ETAA1: variants seen among roughly 807,000 people sequenced by gnomAD.
ETAA1 encodes the protein ETAA1 activator of ATR kinase, also known as ewing's tumor-associated antigen 1.
ETAA1 carries 49 observed loss-of-function variants against 76.8 expected under a neutral mutation model. That is an observed-to-expected ratio of 0.64 (90% CI 0.51 to 0.81). ETAA1 has a LOEUF of 0.81. Ranked by LOEUF, ETAA1 falls within the 30% of genes least tolerant of loss-of-function variation. ETAA1 has a pLI of 0.00. For synonymous variants in ETAA1, 373 were observed against 372.2 expected (o/e 1.00, Z -0.03); for missense variants, 1,099 against 1,074.0 (o/e 1.02, Z -0.32).
chr2:67,407,304 G>A (rs1676247214), intron 5 of ETAA1, among the ~76,000 whole-genome samples: 1 of 150,936 alleles, frequency 6.6e-6, no homozygotes, highest in African/African-American at 2.4e-5. Context: ...AAAAGTTTAT[G>A]AATTTGTGTT....
In ETAA1 at chr2:67,410,152, T is replaced by TG. The variant is rs1676335457; in HGVS notation, c.*116dup. 4.3e-6 allele frequency: 4 copies of TG among 924,096 alleles called. No homozygotes were observed. In the East Asian group the frequency reaches 1.0e-4, roughly 24 times the overall value. 57.2% of individuals were successfully genotyped at this position (924,096 alleles called of 1,614,324 possible). A position where few individuals can be genotyped will look rare whatever the true frequency, so the allele number is the denominator to read the frequency against. On this transcript the variant is annotated 3_prime_UTR_variant, in exon 6 of 6. Transcript: ENST00000272342. ...ATGTAATGCTGACTTTTATAAAGCC[T>TG]GGACTTCTACTTTATTTAATAAATC...
At position 67,403,986 on chromosome 2, in the gene ETAA1, A is replaced by C; in HGVS notation, c.1304A>C (p.Asp435Ala). Residue 435 changes from aspartate (D) to alanine (A), a missense_variant, in exon 5 of 6, where the codon GAT becomes GCT. By Grantham distance (126) the Asp-to-Ala change is moderately radical. Coordinates refer to ENST00000272342, the MANE Select transcript of ETAA1 (RefSeq NM_019002.4). ...ACGTCAAGAGCAAATACAAGTCCAG[A>C]TGCCAGGTTAGGAGATTCAAAAGTA... ...KNTSRANTSP[D>A]ARLGDSKVLQ... 1 of 1,608,034 alleles carries C rather than the reference A, an allele frequency of 6.2e-7. No homozygotes were observed. The highest frequency in any genetic ancestry group is 8.5e-7 in the Non-Finnish European group (1 of 1,178,002).
At position 67,404,067 on chromosome 2, in the gene ETAA1, G is replaced by T. The variant is rs1161347016; in HGVS notation, c.1385G>T (p.Arg462Ile). Residue 462 changes from arginine (R) to isoleucine (I), a missense_variant, in exon 5 of 6, where the codon AGA becomes ATA. Physicochemically the swap from Arg to Ile is moderately conservative, Grantham distance 97. This residue lies in a region of ETAA1 where 761 missense variants were observed against 731.9 expected (regional missense o/e 1.04). Coordinates refer to ENST00000272342, the MANE Select transcript of ETAA1 (RefSeq NM_019002.4). ...YDRELIDAEY[R>I]FSPNSNKSNK... ...AGAGAATTAATAGATGCAGAATATA[G>T]ATTTTCACCAAATTCAAATAAATCA... is the stretch of plus-strand genomic sequence containing the variant. 1 of 1,600,186 alleles carries T rather than the reference G, an allele frequency of 6.2e-7. No individual in the cohort carries two copies. Among genetic ancestry groups the T allele is most frequent in the Non-Finnish European group, 8.5e-7 (1 of 1,174,638 alleles).
rs1219523448 is a variant in ETAA1, at chr2:67,411,606, T to TA, written c.*1571dup. On this transcript the variant is annotated 3_prime_UTR_variant, in exon 6 of 6. Transcript: ENST00000272342. ...TCTAGCCTGGGAAAGAATCAAACTTTAAAGTATGGTTTCTATTGGACGCAT... is the reference window on the plus strand; with the variant it reads ...TCTAGCCTGGGAAAGAATCAAACTTTAAAAGTATGGTTTCTATTGGACGCAT... 6.6e-6 allele frequency: 1 copy of TA among 152,074 alleles called. No individual in the cohort carries two copies. Among genetic ancestry groups the TA allele is most frequent in the Non-Finnish European group, 1.5e-5 (1 of 67,992 alleles). The allele number at this position is 152,074 out of a possible 1,614,324, so 9.4% of individuals were successfully genotyped here.
At position 67,402,880 on chromosome 2, in the gene ETAA1, A is replaced by C. The variant is rs778161546; in HGVS notation, c.448A>C (p.Asn150His). The C allele has an allele frequency of 6.3e-7, 1 of 1,589,244 alleles. No homozygotes were observed. Among genetic ancestry groups the C allele is most frequent in the African/African-American group, 1.4e-5 (1 of 73,316 alleles). The stretch of plus-strand genomic sequence containing the variant: ...GCCAAAGGATGAAAAACCAACAACA[A>C]ATTCTATGCTGGACATGTGGATTGG... Reference protein sequence around the residue: ...IAPQDEKPTTNSMLDMWIGET... With the variant: ...IAPQDEKPTTHSMLDMWIGET... The change falls in exon 4 of 6, where the codon AAT (asparagine) becomes CAT (histidine). Residue 150 changes from asparagine to histidine, a missense_variant. Asn to His is a moderately conservative substitution (Grantham distance 68). Transcript: ENST00000272342.
chr2:67,403,533 C>T lies in ETAA1; in HGVS notation c.851C>T (p.Ala284Val). ...FDQIAEAAFN[A>V]IFDGSTQKCS... is the part of the protein sequence containing the mutation. ...CAAATTGCTGAAGCAGCCTTTAATG[C>T]TATTTTTGATGGTTCTACTCAGAAA... is the stretch of plus-strand genomic sequence containing the variant. The change falls in exon 5 of 6, where the codon GCT (alanine) becomes GTT (valine). Residue 284 changes from alanine to valine, a missense_variant. Physicochemically the swap from Ala to Val is moderately conservative, Grantham distance 64. Transcript: ENST00000272342. The T allele has an allele frequency of 6.2e-7, 1 of 1,613,442 alleles. No homozygotes were observed.
rs1187621483 is a variant in ETAA1 at position 67,397,466 on chromosome 2, A to C, written c.18A>C (p.Lys6Asn). 9.4e-6 allele frequency: 15 copies of C among 1,600,026 alleles called. No individual in the cohort carries two copies. The highest frequency in any genetic ancestry group is 1.3e-5 in the Non-Finnish European group (15 of 1,173,212). The change falls in exon 1 of 6, where the codon AAA becomes AAC. Residue 6 changes from lysine to asparagine, a missense_variant. By Grantham distance (94) the Lys-to-Asn change is moderately conservative. Around this residue, in one of 3 missense-constraint regions of ETAA1, gnomAD observed 761 missense variants for 731.9 expected, o/e 1.04. Coordinates refer to ENST00000272342, the MANE Select transcript of ETAA1 (RefSeq NM_019002.4). Reference protein sequence around the residue: MSRRRKHDDSPSPKKT... With the variant: MSRRRNHDDSPSPKKT... Reference sequence around the variant, plus strand: ...CATAGGCAATGAGTCGGCGAAGGAAACATGATGACAGCCCTAGCCCGAAGA... The same window carrying C: ...CATAGGCAATGAGTCGGCGAAGGAACCATGATGACAGCCCTAGCCCGAAGA...
At position 67,405,157 on chromosome 2, in the gene ETAA1, G is replaced by A; in HGVS notation, c.2475G>A (p.Arg825=). Residue 825 remains arginine (R), a synonymous_variant, in exon 5 of 6, where the codon AGG becomes AGA. Coordinates refer to ENST00000272342, the MANE Select transcript of ETAA1 (RefSeq NM_019002.4). ...GATTTTCAAAGTTTACATTTACAAG[G>A]ATGAAAAATTCTCAGATTCTTTCTC... ...TVGFSKFTFT[R]MKNSQILSQF... is the part of the protein sequence containing the mutation. 2 of 1,612,220 alleles carry A rather than the reference G, an allele frequency of 1.2e-6. No individual in the cohort carries two copies. The highest frequency in any genetic ancestry group is 1.7e-6 in the Non-Finnish European group (2 of 1,179,118).
At position 67,397,346 on chromosome 2, in the gene ETAA1, G is replaced by A; in HGVS notation, c.-103G>A. 1 of 1,261,316 alleles carries A rather than the reference G, an allele frequency of 7.9e-7. No homozygotes were observed. Among genetic ancestry groups the A allele is most frequent in the Non-Finnish European group, 1.1e-6 (1 of 885,506 alleles). The allele number at this position is 1,261,316 out of a possible 1,614,324, so 78.1% of individuals were successfully genotyped here. On this transcript the variant is annotated 5_prime_UTR_variant, in exon 1 of 6. Coordinates refer to ENST00000272342, the MANE Select transcript of ETAA1 (RefSeq NM_019002.4). ...TGCGCGCGCCCCACCGACCAAAATG[G>A]CGGCTGCCGTTGGTGCGGGGTGCGG...
In ETAA1 at chr2:67,402,957, A is replaced by G. The variant is rs1464176902; in HGVS notation, c.525A>G (p.Ala175=). 1 of 1,605,074 alleles carries G rather than the reference A, an allele frequency of 6.2e-7. No homozygotes were observed. Among genetic ancestry groups the G allele is most frequent in the African/African-American group, 1.3e-5 (1 of 74,382 alleles). ...TPSVAKGKSR[A]KISCTKLKTQ... is the part of the protein sequence containing the mutation. ...GTGTAGCAAAAGGAAAATCAAGAGC[A>G]AAAATCAGCTGCACAAAGTAAGTTA... is the stretch of plus-strand genomic sequence containing the variant. The change falls in exon 4 of 6, where the codon GCA becomes GCG. Residue 175 remains alanine (A), a synonymous_variant. Transcript: ENST00000272342.
Position 67,403,980 on chromosome 2 carries a change from G to A in ETAA1, c.1298G>A (p.Ser433Asn), listed in dbSNP as rs779606331. ...AAAAATACGTCAAGAGCAAATACAAGTCCAGATGCCAGGTTAGGAGATTCA... is the reference window on the plus strand; with the variant it reads ...AAAAATACGTCAAGAGCAAATACAAATCCAGATGCCAGGTTAGGAGATTCA... ...TVKNTSRANT[S>N]PDARLGDSKV... Residue 433 changes from serine (S) to asparagine (N), a missense_variant, in exon 5 of 6, where the codon AGT becomes AAT. Physicochemically the swap from Ser to Asn is conservative, Grantham distance 46. Transcript: ENST00000272342. 4.4e-6 allele frequency: 7 copies of A among 1,608,076 alleles called. No homozygotes were observed. Among genetic ancestry groups the A allele is most frequent in the Admixed American group, 1.7e-5 (1 of 58,642 alleles).
chr2:67,397,333 AC>A lies in ETAA1; in HGVS notation c.-114del. The A allele has an allele frequency of 7.8e-6, 9 of 1,154,452 alleles. No homozygotes were observed. In the South Asian group the frequency reaches 1.2e-4, roughly 15 times the overall value. The allele number at this position is 1,154,452 out of a possible 1,614,324, so 71.5% of individuals were successfully genotyped here. ...AGCGGCCGCCTCTTGCGCGCGCCCC[AC>A]CGACCAAAATGGCGGCTGCCGTTGG... On this transcript the variant is annotated 5_prime_UTR_variant, in exon 1 of 6. Transcript: ENST00000272342.
At chr2:67,405,737 G>C (rs1676200061) in intron 5 of ETAA1, among the ~76,000 whole-genome samples, 1 of 151,946 alleles carries the variant, frequency 6.6e-6, no homozygotes, top group Non-Finnish European at 1.5e-5. Flanking sequence ...GAAGCAGTGA[G>C]GTAAATAATA....
chr2:67,410,004 C>T lies in ETAA1; in HGVS notation c.2747C>T (p.Ser916Leu), dbSNP rs772537351. 1.9e-6 allele frequency: 3 copies of T among 1,609,118 alleles called. No homozygotes were observed. Among genetic ancestry groups the T allele is most frequent in the Admixed American group, 1.7e-5 (1 of 58,880 alleles). The part of the protein sequence containing the change: ...LVRRMAKARA[S>L]SVNAAPTSFL ...CGGAGAATGGCTAAAGCACGAGCCT[C>T]ATCTGTAAATGCAGCTCCCACTTCA... The change falls in exon 6 of 6, where the codon TCA becomes TTA. Residue 916 changes from serine to leucine, a missense_variant. Transcript: ENST00000272342.
rs749872262 is a variant in ETAA1, at chr2:67,403,468, T to C, written c.786T>C (p.Ser262=). 2.5e-6 allele frequency: 4 copies of C among 1,613,342 alleles called. No homozygotes were observed. In the Admixed American group the frequency reaches 6.7e-5, roughly 27 times the overall value. ...CAATCAAAGGAAACACCAAGATATCTGTGGCAAATAATCAAAATAGCAGTC... is the reference window on the plus strand; with the variant it reads ...CAATCAAAGGAAACACCAAGATATCCGTGGCAAATAATCAAAATAGCAGTC... ...KKPIKGNTKI[S]VANNQNSSQK... Residue 262 remains serine (S), a synonymous_variant, in exon 5 of 6, where the codon TCT becomes TCC. Transcript: ENST00000272342.
In ETAA1 at chr2:67,405,065, A is replaced by G; in HGVS notation, c.2383A>G (p.Ser795Gly). 1 of 1,612,114 alleles carries G rather than the reference A, an allele frequency of 6.2e-7. No individual in the cohort carries two copies. Residue 795 changes from serine (S) to glycine (G), a missense_variant, in exon 5 of 6, where the codon AGT (serine) becomes GGT (glycine). By Grantham distance (56) the Ser-to-Gly change is moderately conservative. This residue lies in a region of ETAA1 where 302 missense variants were observed against 278.1 expected (regional missense o/e 1.09). Coordinates refer to ENST00000272342, the MANE Select transcript of ETAA1 (RefSeq NM_019002.4). ...TEITTYKKKL[S>G]TNQPCHKTVT... ...AATTACTACTTATAAGAAGAAATTG[A>G]GTACTAATCAGCCATGCCATAAGAC...
Position 67,405,145 on chromosome 2 carries a change from T to C in ETAA1, c.2463T>C (p.Phe821=). ...ACACAACAGTTGGATTTTCAAAGTT[T>C]ACATTTACAAGGATGAAAAATTCTC... ...NLNTTVGFSK[F]TFTRMKNSQI... is the part of the protein sequence containing the mutation. Residue 821 remains phenylalanine, a synonymous_variant, in exon 5 of 6, where the codon TTT becomes TTC. Transcript: ENST00000272342. The C allele has an allele frequency of 6.2e-7, 1 of 1,612,354 alleles. No homozygotes were observed.
chr2:67,399,475 C>T (rs1675992544), intron 2 of ETAA1, 75 bp from the exon 3 acceptor site: 4 of 1,254,784 alleles, frequency 3.2e-6, no homozygotes, highest in Non-Finnish European at 4.6e-6. Context: ...AAATTACTTT[C>T]TAAGAAGTGA....
In ETAA1 at chr2:67,404,878, T is replaced by A. The variant is rs923092748; in HGVS notation, c.2196T>A (p.Gly732=). The change falls in exon 5 of 6, where the codon GGT becomes GGA. Residue 732 remains glycine, a synonymous_variant. Coordinates refer to ENST00000272342, the MANE Select transcript of ETAA1 (RefSeq NM_019002.4). The stretch of plus-strand genomic sequence containing the variant: ...ATGGAAATTCTCCAAGATTTTTAGG[T>A]GCCACAAATTTGACTATGTATTCTA... ...EMYGNSPRFL[G]ATNLTMYSKI... 6.2e-7 allele frequency: 1 copy of A among 1,613,036 alleles called. No homozygotes were observed. Among genetic ancestry groups the A allele is most frequent in the Non-Finnish European group, 8.5e-7 (1 of 1,179,364 alleles).
Sources: allele counts gnomAD v4.1 joint callset (sites outside exome capture counted in the v4.1 genomes callset), GRCh38; gene constraint gnomAD v4.1.1; regional missense constraint gnomAD v4.1.1; transcripts MANE v1.5; gene names NCBI Gene and HGNC (gene_info 2026-07-23, HGNC 2026-07-21).